RBFOX1: variants seen among roughly 807,000 people sequenced by gnomAD.
RBFOX1 encodes the protein RNA binding fox-1 homolog 1, also known as RNA binding protein fox-1 homolog 1.
In RBFOX1, 8 loss-of-function variants were observed where a neutral mutation model predicts 57.7. That is an observed-to-expected ratio of 0.14 (90% confidence interval 0.08 to 0.25). The LOEUF is 0.25. Ranked by LOEUF, RBFOX1 falls within the 10% of genes least tolerant of loss-of-function variation. The pLI is 1.00. For missense variants in RBFOX1, 611 were observed against 548.5 expected (o/e 1.11, Z -1.14); for synonymous variants, 326 against 222.4 (o/e 1.47, Z -4.15).
At chr16:5,701,018 C>G (rs535380965) in intron 3 of RBFOX1, among the ~76,000 whole-genome samples, 1 of 152,306 alleles carries the variant, frequency 6.6e-6, no homozygotes, top group African/African-American at 2.4e-5. Context: ...AGGAGATGTT[C>G]ACTGCAAATA....
At chr16:7,299,852 A>G (rs895699045) in intron 4 of RBFOX1, among the ~76,000 whole-genome samples, 1 of 152,208 alleles carries the variant, frequency 6.6e-6, no homozygotes, top group South Asian at 2.1e-4. Flanking sequence ...GTTATGTCCT[A>G]ATAAACCCAT....
intron 4 of RBFOX1, among the ~76,000 whole-genome samples, chr16:5,902,616 A>G (rs892924896): frequency 2.0e-5 from 3 of 151,888 alleles, no homozygotes; most frequent in Non-Finnish European, 2.9e-5. Context: ...GGATTTCACT[A>G]TGTTAGCCAG....
chr16:7,257,105 C>T (rs1490141125), intron 4 of RBFOX1, among the ~76,000 whole-genome samples: 1 of 152,176 alleles, frequency 6.6e-6, no homozygotes, highest in Non-Finnish European at 1.5e-5. Flanking sequence ...CATCGTCCTT[C>T]AGTGAACAGT....
intron 5 of RBFOX1, among the ~76,000 whole-genome samples, chr16:7,546,139 C>T (rs2084446419): frequency 6.6e-6 from 1 of 151,810 alleles, no homozygotes; most frequent in South Asian, 2.1e-4. Flanking sequence ...CCAGCCTGGC[C>T]AACATGGTGA....
At chr16:6,480,564 G>A (rs1036071962) in intron 2 of RBFOX1, among the ~76,000 whole-genome samples, 1 of 152,178 alleles carries the variant, frequency 6.6e-6, no homozygotes, top group African/African-American at 2.4e-5. Flanking sequence ...AGGCTGTACA[G>A]AAACAGAGAA....
chr16:6,815,447 C>G (rs560394751), intron 3 of RBFOX1, among the ~76,000 whole-genome samples: 1 of 152,300 alleles, frequency 6.6e-6, no homozygotes, highest in South Asian at 2.1e-4. Flanking sequence ...CTGGTTCAAA[C>G]ACCTCTGACA....
chr16:5,398,791 G>A (rs2066633945), intron 1 of RBFOX1, among the ~76,000 whole-genome samples: 1 of 152,150 alleles, frequency 6.6e-6, no homozygotes, highest in Non-Finnish European at 1.5e-5. Flanking sequence ...CTGGTGAGCA[G>A]CACGTTGGAA....
chr16:6,725,234 G>A (rs756951699), intron 3 of RBFOX1, among the ~76,000 whole-genome samples: 1 of 151,804 alleles, frequency 6.6e-6, no homozygotes, highest in African/African-American at 2.4e-5. Flanking sequence ...TGTATTTTTA[G>A]TAGGGACAGG....
intron 3 of RBFOX1, among the ~76,000 whole-genome samples, chr16:6,982,993 TAAA>T (rs370173635): frequency 3.8e-5 from 3 of 79,360 alleles, no homozygotes; most frequent in South Asian, 4.4e-4. Context: ...AGACTCTGTC[TAAA>T]AAAAAAAAAA....
At chr16:7,423,124 AGAGAG>A (rs1388057630) in intron 4 of RBFOX1, 7 of 150,106 alleles carry the variant, frequency 4.7e-5, no homozygotes, top group African/African-American at 1.5e-4. Flanking sequence ...AGAGAGAGAG[AGAGAG>A]AATATGAATA....
chr16:6,689,549 T>C (rs1192455301), intron 3 of RBFOX1, among the ~76,000 whole-genome samples: 2 of 152,196 alleles, frequency 1.3e-5, no homozygotes, highest in Non-Finnish European at 2.9e-5. Flanking sequence ...ACAGGACTTA[T>C]CTTTCCTGTA....
At chr16:6,895,077 A>T (rs896740008) in intron 3 of RBFOX1, among the ~76,000 whole-genome samples, 1 of 151,604 alleles carries the variant, frequency 6.6e-6, no homozygotes, top group Non-Finnish European at 1.5e-5. Context: ...TTTAATAAAT[A>T]ATCTAATGAC....
At chr16:7,009,786 T>C (rs1024663863) in intron 3 of RBFOX1, among the ~76,000 whole-genome samples, 3 of 152,230 alleles carry the variant, frequency 2.0e-5, no homozygotes, top group Non-Finnish European at 2.9e-5. Flanking sequence ...CTCTGTAACC[T>C]GCTTGCCTTG....
chr16:7,410,786 G>C (rs1339902224), intron 4 of RBFOX1, among the ~76,000 whole-genome samples: 1 of 151,932 alleles, frequency 6.6e-6, no homozygotes, highest in East Asian at 1.9e-4. Context: ...AATTCCCACA[G>C]AGGGGCCTGC....
intron 4 of RBFOX1, among the ~76,000 whole-genome samples, chr16:7,185,595 T>G (rs112411588): frequency 6.6e-6 from 1 of 152,204 alleles, no homozygotes; most frequent in Non-Finnish European, 1.5e-5. Flanking sequence ...GCCACTTTTA[T>G]TACACTTTGA....
rs533269872 is a variant in RBFOX1, at chr16:6,954,556, G to T, written c.-15-97501G>T. On this transcript the variant is annotated intron_variant, in intron 3 of 15. Coordinates refer to ENST00000550418, the MANE Select transcript of RBFOX1 (RefSeq NM_018723.4). The stretch of plus-strand genomic sequence containing the variant: ...TACATGCCAACTGTCCTCACCTGTT[G>T]TCCACCCCAATGCTATATTAATTAT... 3.5e-4 allele frequency among the ~76,000 whole-genome samples: 54 copies of T among 152,234 alleles called. 1 individual carries two copies. In the South Asian group the frequency reaches 0.011, roughly 32 times the overall value.
chr16:5,314,990 C>A (rs888065113), intron 1 of RBFOX1, among the ~76,000 whole-genome samples: 2 of 152,072 alleles, frequency 1.3e-5, no homozygotes, highest in African/African-American at 2.4e-5. Context: ...GAAGTCATAA[C>A]GTGACCCTGG....
At chr16:6,594,938 G>T (rs150651751) in intron 2 of RBFOX1, among the ~76,000 whole-genome samples, 5 of 152,198 alleles carry the variant, frequency 3.3e-5, no homozygotes, top group African/African-American at 9.6e-5. Context: ...ACAGGTGCGT[G>T]CCACCACACC....
intron 2 of RBFOX1, among the ~76,000 whole-genome samples, chr16:6,499,908 G>C (rs999534286): frequency 6.6e-6 from 1 of 152,140 alleles, no homozygotes; most frequent in Non-Finnish European, 1.5e-5. Flanking sequence ...ATGTGGTAAG[G>C]GTGAGTACAT....
Sources: gnomAD v4.1 joint callset for allele counts (sites outside exome capture counted in the v4.1 genomes callset) on GRCh38, gnomAD v4.1.1 for gene constraint, MANE v1.5 for transcripts, NCBI Gene and HGNC (gene_info 2026-07-23, HGNC 2026-07-21) for gene names.